Variants in HNRNPK observed in about 807,000 individuals in gnomAD.
HNRNPK encodes the protein dC-stretch binding protein.
A neutral mutation model predicts 67.0 loss-of-function variants in HNRNPK; 7 were observed. The ratio of observed to expected loss-of-function variants is 0.10; its 90% CI spans 0.06 to 0.20. The LOEUF (loss-of-function observed/expected upper bound fraction) is 0.20. Ranked by LOEUF, HNRNPK falls within the 10% of genes least tolerant of loss-of-function variation. The probability of loss-of-function intolerance (pLI) is 1.00; values close to 1 mark genes in which losing one functional copy is unlikely to be tolerated. For missense variants in HNRNPK, 264 were observed against 606.5 expected (o/e 0.44, Z 5.93); for synonymous variants, 213 against 193.7 (o/e 1.10, Z -0.83).
chr9:83,969,993 T>C, intron 16 of HNRNPK, 169 bp downstream of exon 16: 1 of 646,860 alleles, frequency 1.5e-6, no homozygotes. Context: ...TCTTCATTTT[T>C]AGTAAGAAAG....
Position 83,972,988 on chromosome 9 carries a change from A to T in HNRNPK, c.517-16T>A, listed in dbSNP as rs80180335. 1.4e-6 allele frequency: 2 copies of T among 1,455,972 alleles called. No homozygotes were observed. Among genetic ancestry groups the T allele is most frequent in the African/African-American group, 1.9e-5 (1 of 53,718 alleles). 90.2% of individuals were successfully genotyped at this position (1,455,972 alleles called of 1,614,324 possible). ...TTTGAGTGTTCTGTAGTAAGATCAT[A>T]AAAAAAAATAATAATAATTAGAAGA... On this transcript the variant is annotated splice_polypyrimidine_tract_variant and intron_variant, in intron 9 of 16. Transcript: ENST00000376263.
intron 9 of HNRNPK, 71 bp downstream of exon 9, chr9:83,973,215 G>GCTCACAGAAA: frequency 1.1e-6 from 1 of 925,090 alleles, no homozygotes; most frequent in Non-Finnish European, 1.8e-6. Flanking sequence ...AGCGAGAGAA[G>GCTCACAGAAA]CTCACAGAAA....
chr9:83,974,463 T>G (rs1956987260), intron 7 of HNRNPK, 54 bp downstream of exon 7: 3 of 882,694 alleles, frequency 3.4e-6, no homozygotes, highest in South Asian at 2.8e-5. Context: ...TACAACATAC[T>G]TTAAACATTC....
Position 83,974,594 on chromosome 9 carries a change from C to G in HNRNPK, c.258-5G>C. 6.3e-7 allele frequency: 1 copy of G among 1,590,928 alleles called. No homozygotes were observed. The highest frequency in any genetic ancestry group is 8.6e-7 in the Non-Finnish European group (1 of 1,163,270). ...TCAGCACTGATACTCAATATGCTGT[C>G]AAACACCACAAATACCAGATAGTAC... is the stretch of plus-strand genomic sequence containing the variant. On this transcript the variant is annotated splice_region_variant and splice_polypyrimidine_tract_variant and intron_variant, in intron 6 of 16. Transcript: ENST00000376263.
At chr9:83,979,233 C>G (rs1957234834) in intron 1 of HNRNPK, among the ~76,000 whole-genome samples, 1 of 152,158 alleles carries the variant, frequency 6.6e-6, no homozygotes, top group South Asian at 2.1e-4. Context: ...AGCAAAGAGC[C>G]AACAAGCGAG....
intron 2 of HNRNPK, 45 bp downstream of exon 2, chr9:83,978,328 C>A (rs1381208566): frequency 2.0e-5 from 25 of 1,279,284 alleles, no homozygotes; most frequent in African/African-American, 4.2e-5. Context: ...GGAAAGCAAG[C>A]TGTAAAAAAA....
chr9:83,971,130 C>G (rs1956816751), intron 13 of HNRNPK, 143 bp downstream of exon 13: 1 of 778,960 alleles, frequency 1.3e-6, no homozygotes, highest in East Asian at 2.4e-5. Context: ...ATTTTAATCT[C>G]ATAAAATCCC....
intron 9 of HNRNPK, 45 bp from the exon 10 acceptor site, chr9:83,973,017 T>C (rs1956922058): frequency 7.1e-7 from 1 of 1,416,682 alleles, no homozygotes; most frequent in South Asian, 1.3e-5. Context: ...TAGAAGAAAA[T>C]TAGCTTTCCT....
intron 16 of HNRNPK, chr9:83,969,729 A>T (rs568494582): frequency 6.2e-6 from 4 of 650,372 alleles, no homozygotes; most frequent in South Asian, 4.5e-5. Flanking sequence ...GCTGCATTTT[A>T]CAGCACCAAT....
chr9:83,971,214 G>A (rs1419367583), intron 13 of HNRNPK, 59 bp downstream of exon 13: 6 of 1,137,918 alleles, frequency 5.3e-6, no homozygotes, highest in South Asian at 2.5e-5. Context: ...ACTTACTGGA[G>A]AGCAGGTAAG....
intron 7 of HNRNPK, 49 bp from the exon 8 acceptor site, chr9:83,974,022 G>C: frequency 8.0e-7 from 1 of 1,247,034 alleles, no homozygotes; most frequent in Non-Finnish European, 1.2e-6. Flanking sequence ...AGCGTGATCA[G>C]GCTATTGTCG....
At chr9:83,971,026 C>CA in intron 13 of HNRNPK, 114 bp from the exon 14 acceptor site, 2 of 1,086,616 alleles carry the variant, frequency 1.8e-6, no homozygotes, top group East Asian at 4.9e-5. Context: ...AGGCTGGTCT[C>CA]AAACTCTCGG....
At chr9:83,979,974 C>T (rs1399345787) in intron 1 of HNRNPK, among the ~76,000 whole-genome samples, 179 bp downstream of exon 1, 1 of 152,208 alleles carries the variant, frequency 6.6e-6, no homozygotes, top group Non-Finnish European at 1.5e-5. Flanking sequence ...AGGACCACAA[C>T]GCGGACTGCG....
intron 5 of HNRNPK, chr9:83,975,718 C>A: frequency 1.9e-5 from 11 of 585,196 alleles, no homozygotes; most frequent in South Asian, 6.1e-5. Context: ...GATATATGGC[C>A]AAAAAAACAA....
chr9:83,970,718 T>C lies in HNRNPK; in HGVS notation c.1191+19A>G. 1 of 1,321,014 alleles carries C rather than the reference T, an allele frequency of 7.6e-7. No individual in the cohort carries two copies. Among genetic ancestry groups the C allele is most frequent in the Non-Finnish European group, 1.1e-6 (1 of 920,476 alleles). The allele number at this position is 1,321,014 out of a possible 1,614,324, so 81.8% of individuals were successfully genotyped here. A position where few individuals can be genotyped will look rare whatever the true frequency, so the allele number is the denominator to read the frequency against. The stretch of plus-strand genomic sequence containing the variant: ...CATAAAAGTGATAAAATGTTCCTGG[T>C]AGTATTAAAGATACTTACATCTTTG... On this transcript the variant is annotated intron_variant, in intron 15 of 16. Transcript: ENST00000376263.
In HNRNPK at chr9:83,968,553, T is replaced by C. The variant is rs1220091613; in HGVS notation, c.*854A>G. ...TGCTGCCAATCAGAATTCTGGTATA[T>C]ACTCATACCATTACTCAACTTGTAG... On this transcript the variant is annotated 3_prime_UTR_variant, in exon 17 of 17. Transcript: ENST00000376263. 2.0e-5 allele frequency: 3 copies of C among 152,614 alleles called. No individual in the cohort carries two copies. Among genetic ancestry groups the C allele is most frequent in the Non-Finnish European group, 2.9e-5 (2 of 68,040 alleles). 9.5% of individuals were successfully genotyped at this position (152,614 alleles called of 1,614,324 possible).
chr9:83,969,402 T>C lies in HNRNPK; in HGVS notation c.*5A>G. 3 of 1,575,410 alleles carry C rather than the reference T, an allele frequency of 1.9e-6. No homozygotes were observed. The highest frequency in any genetic ancestry group is 2.6e-6 in the Non-Finnish European group (3 of 1,147,548). ...CACACTATAAAAAAGAAAAAATATC[T>C]TGCATTAGAATCCTTCAACATCTGC... is the stretch of plus-strand genomic sequence containing the variant. On this transcript the variant is annotated 3_prime_UTR_variant, in exon 17 of 17. Transcript: ENST00000376263.
intron 7 of HNRNPK, 85 bp from the exon 8 acceptor site, chr9:83,974,058 A>AT (rs1491359942): frequency 1.3e-6 from 1 of 764,244 alleles, no homozygotes; most frequent in East Asian, 2.7e-5. Flanking sequence ...CTACTACAAC[A>AT]TATTTTAAAT....
At chr9:83,979,228 A>G (rs1192860836) in intron 1 of HNRNPK, among the ~76,000 whole-genome samples, 1 of 152,210 alleles carries the variant, frequency 6.6e-6, no homozygotes, top group Non-Finnish European at 1.5e-5. Context: ...TAGACAGCAA[A>G]GAGCCAACAA....
Sources: allele counts gnomAD v4.1 joint callset (sites outside exome capture counted in the v4.1 genomes callset), GRCh38; gene constraint gnomAD v4.1.1; transcripts MANE v1.5; gene names NCBI Gene and HGNC (gene_info 2026-07-23, HGNC 2026-07-21).